Variants in GART observed in about 807,000 individuals in gnomAD.
GART encodes trifunctional purine biosynthetic protein adenosine-3.
GART carries 43 observed loss-of-function variants against 107.2 expected under a neutral mutation model. That is an observed-to-expected ratio of 0.40 (90% CI 0.31 to 0.52). The LOEUF (loss-of-function observed/expected upper bound fraction) is 0.52, where lower values mean the gene tolerates loss of function less well. Ranked by LOEUF, GART falls within the 20% of genes least tolerant of loss-of-function variation. The pLI is 0.52. For synonymous variants in GART, 434 were observed against 427.0 expected (o/e 1.02, Z -0.20); for missense variants, 1,107 against 1,206.5 (o/e 0.92, Z 1.22).
chr21:33,536,717 T>C (rs2085312131), intron 2 of GART, among the ~76,000 whole-genome samples: 1 of 152,184 alleles, frequency 6.6e-6, no homozygotes, highest in African/African-American at 2.4e-5. Context: ...CCTGAACACA[T>C]GCACTGAGAT....
chr21:33,541,127 T>C (rs1232901362), intron 1 of GART, among the ~76,000 whole-genome samples: 1 of 152,210 alleles, frequency 6.6e-6, no homozygotes, highest in African/African-American at 2.4e-5. Context: ...GTATCTGAAA[T>C]AAACAGATTT....
chr21:33,540,866 G>A (rs1314270286), intron 1 of GART, among the ~76,000 whole-genome samples: 2 of 152,098 alleles, frequency 1.3e-5, no homozygotes, highest in Non-Finnish European at 2.9e-5. Context: ...AATCCTATGA[G>A]GGAGATACTA....
At chr21:33,516,857 C>T in intron 16 of GART, 132 bp downstream of exon 16, 2 of 742,634 alleles carry the variant, frequency 2.7e-6, no homozygotes, top group South Asian at 2.2e-5. Flanking sequence ...GAGTTTTTCC[C>T]TCCCAAAACC....
intron 3 of GART, 60 bp downstream of exon 3, chr21:33,535,165 G>T: frequency 3.0e-6 from 3 of 1,013,282 alleles, no homozygotes; most frequent in Non-Finnish European, 4.3e-6. Flanking sequence ...TGGATTAGAT[G>T]ATCCCTAAGC....
intron 20 of GART, 112 bp downstream of exon 20, chr21:33,505,449 G>A (rs2084661732): frequency 2.5e-6 from 2 of 792,886 alleles, no homozygotes; most frequent in Non-Finnish European, 2.0e-6. Flanking sequence ...AGTCAAACAG[G>A]AGTTGGATTT....
chr21:33,524,247 A>G, intron 11 of GART: 2 of 985,744 alleles, frequency 2.0e-6, no homozygotes, highest in Non-Finnish European at 2.4e-6. Context: ...GTGATAACGC[A>G]AGGAATAAAA....
At chr21:33,521,052 ATAGAT>A (rs765915186) in intron 12 of GART, 37 bp from the exon 13 acceptor site, 84 of 1,500,930 alleles carry the variant, frequency 5.6e-5, no homozygotes, top group Non-Finnish European at 6.7e-5. Flanking sequence ...CTACATTTTA[ATAGAT>A]TAAACATGTA....
intron 18 of GART, 50 bp downstream of exon 18, chr21:33,509,733 A>G: frequency 6.3e-7 from 1 of 1,593,062 alleles, no homozygotes; most frequent in Non-Finnish European, 8.6e-7. Flanking sequence ...TGCGGGGAGG[A>G]AAGGAAGGGC....
intron 1 of GART, among the ~76,000 whole-genome samples, chr21:33,541,458 T>C (rs2085422118): frequency 6.6e-6 from 1 of 152,242 alleles, no homozygotes; most frequent in Non-Finnish European, 1.5e-5. Context: ...TCTTTAAATC[T>C]AGAGCAAATG....
chr21:33,519,062 CTTCT>C (rs1014230638), intron 14 of GART: 11 of 286,366 alleles, frequency 3.8e-5, no homozygotes, highest in African/African-American at 1.1e-4. Context: ...GCTGAACCAC[CTTCT>C]TTCTGTTTCT....
rs1380497384 is a variant in GART at position 33,504,248 on chromosome 21, G to A, written c.2909C>T (p.Ala970Val). 6.2e-7 allele frequency: 1 copy of A among 1,614,146 alleles called. No individual in the cohort carries two copies. Among genetic ancestry groups the A allele is most frequent in the South Asian group, 1.1e-5 (1 of 91,080 alleles). Residue 970 changes from alanine (A) to valine (V), a missense_variant, in exon 22 of 22, where the codon GCA (alanine) becomes GTA (valine). By Grantham distance (64) the Ala-to-Val change is moderately conservative (BLOSUM62 0). Coordinates refer to ENST00000381815, the MANE Select transcript of GART (RefSeq NM_000819.5). ...TAATTTTACTCTTTCAGAAAGAGTT[G>A]CGACAGTATCACCCCTCTTCACGGG... Reference protein sequence around the residue: ...AVPVKRGDTVATLSERVKLAE... With the variant: ...AVPVKRGDTVVTLSERVKLAE...
intron 1 of GART, 131 bp from the exon 2 acceptor site, chr21:33,539,487 G>A (rs1226562144): frequency 3.7e-5 from 20 of 547,584 alleles, no homozygotes; most frequent in Non-Finnish European, 6.2e-5. Context: ...GAGGTCAGGA[G>A]TTTGAGACCA....
chr21:33,518,617 G>A (rs1215722587), intron 14 of GART: 2 of 339,504 alleles, frequency 5.9e-6, no homozygotes, highest in Admixed American at 3.8e-5. Flanking sequence ...CAGTCATAAT[G>A]TAAAATAGCA....
intron 17 of GART, 115 bp from the exon 18 acceptor site, chr21:33,510,035 T>C: frequency 1.1e-6 from 1 of 911,656 alleles, no homozygotes; most frequent in Non-Finnish European, 1.6e-6. Context: ...GAAAATAAGA[T>C]AATGCAAGGA....
intron 10 of GART, 98 bp downstream of exon 10, chr21:33,528,069 C>T: frequency 8.7e-7 from 1 of 1,145,764 alleles, no homozygotes. Context: ...GATGGCTTCA[C>T]ACTCTTATCG....
At chr21:33,532,918 C>T (rs1384368856) in intron 4 of GART, among the ~76,000 whole-genome samples, 1 of 151,994 alleles carries the variant, frequency 6.6e-6, no homozygotes, top group Non-Finnish European at 1.5e-5. Flanking sequence ...AAAACTGTTA[C>T]TTGCTCAAGG....
intron 2 of GART, 42 bp from the exon 3 acceptor site, chr21:33,535,362 A>G (rs2085284693): frequency 8.1e-7 from 1 of 1,240,084 alleles, no homozygotes; most frequent in Admixed American, 2.6e-5. Context: ...TGCATTTACA[A>G]AAACATTCCA....
chr21:33,528,205 C>T lies in GART; in HGVS notation c.1028G>A (p.Gly343Asp), dbSNP rs1209847617. Residue 343 changes from glycine to aspartate, a missense_variant, in exon 10 of 22, where the codon GGT becomes GAT. By Grantham distance (94) the Gly-to-Asp change is moderately conservative. Coordinates refer to ENST00000381815, the MANE Select transcript of GART (RefSeq NM_000819.5). ...ACCCTTGGTGTAGTCTCCAGGATAACCTTTACTTGCCATGACAACAGTTAG... is the reference window on the plus strand; with the variant it reads ...ACCCTTGGTGTAGTCTCCAGGATAATCTTTACTTGCCATGACAACAGTTAG... ...TALTVVMASK[G>D]YPGDYTKGVE... is the part of the protein sequence containing the mutation. 6.2e-7 allele frequency: 1 copy of T among 1,613,634 alleles called. No homozygotes were observed. Among genetic ancestry groups the T allele is most frequent in the Admixed American group, 1.7e-5 (1 of 59,978 alleles).
chr21:33,517,755 CAG>C, intron 14 of GART, 147 bp from the exon 15 acceptor site: 2 of 806,550 alleles, frequency 2.5e-6, no homozygotes, highest in Non-Finnish European at 1.9e-6. Context: ...AGCTGTCTAA[CAG>C]AACTTTCCAC....
Sources: allele counts gnomAD v4.1 joint callset (sites outside exome capture counted in the v4.1 genomes callset), GRCh38; gene constraint gnomAD v4.1.1; transcripts MANE v1.5; gene names NCBI Gene and HGNC (gene_info 2026-07-23, HGNC 2026-07-21).